PAPPA2: variants seen among roughly 807,000 people sequenced by gnomAD.
PAPPA2 encodes the protein pappalysin 2.
In PAPPA2, 86 loss-of-function variants were observed where a neutral mutation model predicts 176.4. That is an observed-to-expected ratio of 0.49 (90% CI 0.41 to 0.58). The LOEUF (loss-of-function observed/expected upper bound fraction) is 0.58. PAPPA2 is among the 20% of genes least tolerant of loss of function. PAPPA2 has a pLI of 0.00. For missense variants in PAPPA2, 2,073 were observed against 2,256.9 expected, an observed-to-expected ratio of 0.92 and a Z score of 1.65; for synonymous variants, 809 against 852.2, an observed-to-expected ratio of 0.95 and a Z score of 0.88.
At chr1:176,672,636 CCA>C (rs1408806978) in intron 4 of PAPPA2, among the ~76,000 whole-genome samples, 1 of 151,486 alleles carries the variant, frequency 6.6e-6, no homozygotes, top group African/African-American at 2.4e-5. Flanking sequence ...TGATGAAAAT[CCA>C]CAGAGTGAAT....
At chr1:176,719,943 A>G (rs1661547311) in intron 12 of PAPPA2, among the ~76,000 whole-genome samples, 1 of 152,212 alleles carries the variant, frequency 6.6e-6, no homozygotes. Flanking sequence ...CAGACTTTGA[A>G]CGAAATGATG....
intron 1 of PAPPA2, among the ~76,000 whole-genome samples, chr1:176,496,587 T>C (rs1028896022): frequency 6.6e-6 from 1 of 152,140 alleles, no homozygotes; most frequent in Non-Finnish European, 1.5e-5. Flanking sequence ...CAGTTGGAAG[T>C]TCCTTACTTT....
intron 3 of PAPPA2, among the ~76,000 whole-genome samples, chr1:176,614,360 C>T (rs1313859641): frequency 2.6e-5 from 4 of 152,290 alleles, no homozygotes; most frequent in East Asian, 1.9e-4. Flanking sequence ...AATTGGGCCA[C>T]GTACTGTCTT....
chr1:176,551,005 A>G (rs1430721382), intron 1 of PAPPA2, among the ~76,000 whole-genome samples: 4 of 152,196 alleles, frequency 2.6e-5, no homozygotes, highest in Non-Finnish European at 5.9e-5. Flanking sequence ...GAGAAGGCAA[A>G]AAAGCTGGGC....
At chr1:176,781,201 T>C (rs934831274) in intron 17 of PAPPA2, among the ~76,000 whole-genome samples, 2 of 152,034 alleles carry the variant, frequency 1.3e-5, no homozygotes, top group African/African-American at 4.8e-5. Flanking sequence ...CCAGGCATTA[T>C]TGTACCTGCC....
At chr1:176,737,249 A>G (rs1290886904) in intron 12 of PAPPA2, among the ~76,000 whole-genome samples, 1 of 152,062 alleles carries the variant, frequency 6.6e-6, no homozygotes, top group Non-Finnish European at 1.5e-5. Context: ...TATTGCTCAG[A>G]TTTACCAGCA....
At chr1:176,821,993 C>T (rs1029402658) in intron 21 of PAPPA2, among the ~76,000 whole-genome samples, 1 of 152,182 alleles carries the variant, frequency 6.6e-6, no homozygotes, top group Non-Finnish European at 1.5e-5. Context: ...TACCAGATTG[C>T]AATGTAGCTT....
intron 3 of PAPPA2, among the ~76,000 whole-genome samples, chr1:176,660,203 G>A (rs1353981347): frequency 6.6e-6 from 1 of 152,046 alleles, no homozygotes; most frequent in Non-Finnish European, 1.5e-5. Flanking sequence ...TAGGATTGCA[G>A]CCTAAGAGTC....
chr1:176,557,215 G>T lies in PAPPA2; in HGVS notation c.893G>T (p.Gly298Val). The T allele has an allele frequency of 6.2e-7, 1 of 1,603,538 alleles. No individual in the cohort carries two copies. The highest frequency in any genetic ancestry group is 8.5e-7 in the Non-Finnish European group (1 of 1,175,268). Residue 298 changes from glycine to valine, a missense_variant, in exon 2 of 23, where the codon GGA becomes GTA. By Grantham distance (109) the Gly-to-Val change is moderately radical. Transcript: ENST00000367662. The stretch of plus-strand genomic sequence containing the variant: ...GAAGCCTGGGTTAAACCGGAGGGAG[G>T]ACAGAACAACCCAGCCATCATCGCA... ...TVEAWVKPEG[G>V]QNNPAIIAGV... is the part of the protein sequence containing the mutation.
At chr1:176,765,632 C>T in intron 14 of PAPPA2, 34 bp from the exon 15 acceptor site, 1 of 1,597,484 alleles carries the variant, frequency 6.3e-7, no homozygotes, top group African/African-American at 1.3e-5. Context: ...GGTTCTCAAC[C>T]AGTCCTAAGA....
intron 1 of PAPPA2, among the ~76,000 whole-genome samples, chr1:176,547,461 T>G (rs1166380758): frequency 3.9e-5 from 6 of 152,196 alleles, no homozygotes; most frequent in African/African-American, 9.7e-5. Context: ...TATCCTTGTG[T>G]GAGGAGTTTC....
intron 1 of PAPPA2, among the ~76,000 whole-genome samples, chr1:176,537,633 G>C (rs921480944): frequency 6.6e-6 from 1 of 151,994 alleles, no homozygotes; most frequent in Non-Finnish European, 1.5e-5. Context: ...TTCCTTCTTT[G>C]TTGAGCAGTT....
intron 1 of PAPPA2, among the ~76,000 whole-genome samples, chr1:176,516,158 CCTT>C (rs1184289249): frequency 6.6e-6 from 1 of 152,096 alleles, no homozygotes; most frequent in East Asian, 1.9e-4. Flanking sequence ...ACCATTTCCT[CCTT>C]CTTTTAATTC....
intron 2 of PAPPA2, among the ~76,000 whole-genome samples, chr1:176,561,308 G>A (rs1169505983): frequency 1.3e-5 from 2 of 152,204 alleles, no homozygotes; most frequent in South Asian, 4.1e-4. Flanking sequence ...AACAAGTCAT[G>A]TATGTAAAGT....
chr1:176,602,378 A>G (rs1423590234), intron 3 of PAPPA2, among the ~76,000 whole-genome samples: 1 of 152,168 alleles, frequency 6.6e-6, no homozygotes. Context: ...CTGCAGGTAT[A>G]CAATAGAAAG....
At chr1:176,655,972 T>C (rs1446987151) in intron 3 of PAPPA2, among the ~76,000 whole-genome samples, 1 of 151,906 alleles carries the variant, frequency 6.6e-6, no homozygotes, top group Non-Finnish European at 1.5e-5. Context: ...TGTCCCGTGA[T>C]ATATAAATCA....
chr1:176,553,393 G>A (rs1651080892), intron 1 of PAPPA2: 1 of 151,930 alleles, frequency 6.6e-6, no homozygotes. Context: ...TTGAGGGGTG[G>A]GATGGAAAGG....
chr1:176,691,324 A>G, intron 5 of PAPPA2: 1 of 321,390 alleles, frequency 3.1e-6, no homozygotes, highest in African/African-American at 2.2e-5. Context: ...CTTTGAAGGG[A>G]GGAAAGCGTG....
At chr1:176,521,860 A>ATTTAGAG (rs1649232412) in intron 1 of PAPPA2, among the ~76,000 whole-genome samples, 2 of 152,176 alleles carry the variant, frequency 1.3e-5, no homozygotes, top group Admixed American at 6.5e-5. Flanking sequence ...TGAAGGTGAG[A>ATTTAGAG]TTTAGAGTGC....
Sources: allele counts gnomAD v4.1 joint callset (sites outside exome capture counted in the v4.1 genomes callset), GRCh38; gene constraint gnomAD v4.1.1; transcripts MANE v1.5; gene names NCBI Gene and HGNC (gene_info 2026-07-23, HGNC 2026-07-21).